Variants in NFKBID observed in about 807,000 individuals in gnomAD.
The protein encoded by NFKBID is NF-kappa-B inhibitor delta.
In NFKBID, 26 loss-of-function variants were observed where a neutral mutation model predicts 53.4. That is an observed-to-expected ratio of 0.49 (90% confidence interval 0.36 to 0.68). The LOEUF (loss-of-function observed/expected upper bound fraction) is 0.68. Ranked by LOEUF, NFKBID falls within the 30% of genes least tolerant of loss-of-function variation. The pLI, the probability that NFKBID is intolerant of heterozygous loss-of-function variation, is 0.00. For synonymous variants in NFKBID, 262 were observed against 259.8 expected, an observed-to-expected ratio of 1.01 and a Z score of -0.08; for missense variants, 493 against 614.1, an observed-to-expected ratio of 0.80 and a Z score of 2.08.
chr19:35,897,357 C>G (rs1323658651), intron 4 of NFKBID: 12 of 543,198 alleles, frequency 2.2e-5, no homozygotes, highest in Non-Finnish European at 3.2e-5. Flanking sequence ...TGGGTTCAAG[C>G]AATTCCCCTG....
chr19:35,896,331 G>A lies in NFKBID; in HGVS notation c.831+61C>T. 1 of 1,613,890 alleles carries A rather than the reference G, an allele frequency of 6.2e-7. No homozygotes were observed. Among genetic ancestry groups the A allele is most frequent in the African/African-American group, 1.3e-5 (1 of 75,058 alleles). ...ATCCCCTGGCCTCCTGGCCCTGGAA[G>A]CCAAAATCTGGGCAACCAGTCTACC... On this transcript the variant is annotated intron_variant, in intron 7 of 11. Transcript: ENST00000641389. The surrounding 1 kb of genome is among the most constrained non-coding windows in gnomAD (Gnocchi z 5.7).
chr19:35,894,202 T>G (rs1419157933), intron 9 of NFKBID, among the ~76,000 whole-genome samples: 2 of 151,946 alleles, frequency 1.3e-5, no homozygotes, highest in African/African-American at 2.4e-5. Context: ...GAGGTTGCAG[T>G]AAGCCGAGAT....
chr19:35,900,827 C>CTTTTTTTTTTTTTTTTTTTTTTTTTTTT (rs60365058), upstream of NFKBID, among the ~76,000 whole-genome samples: 7 of 107,608 alleles, frequency 6.5e-5, no homozygotes, highest in Admixed American at 1.0e-4. Context: ...TTTTTCTTTT[C>CTTTTTTTTTTTTTTTTTTTTTTTTTTTT]TTTTTTTTTT....
At chr19:35,890,329 C>T (rs753382327) in intron 10 of NFKBID, 45 bp downstream of exon 10, 2 of 1,365,678 alleles carry the variant, frequency 1.5e-6, no homozygotes, top group African/African-American at 1.4e-5. Flanking sequence ...ACTGCCCCCC[C>T]TACCGTACCC....
rs878924775 is a variant in NFKBID at position 35,896,059 on chromosome 19, C to A, written c.953G>T (p.Arg318Leu). Residue 318 changes from arginine to leucine, a missense_variant, in exon 9 of 12, where the codon CGG (arginine) becomes CTG (leucine). By Grantham distance (102) the Arg-to-Leu change is moderately radical. Around this residue, in one of 2 missense-constraint regions of NFKBID, gnomAD observed 267 missense variants for 384.6 expected, o/e 0.69. Coordinates refer to ENST00000641389, the Ensembl canonical transcript of NFKBID. The surrounding 1 kb of genome is among the most constrained non-coding windows in gnomAD (Gnocchi z 5.7). ...GTCTCGGGCCTGTGTGCTCAGCACC[C>A]GGGGACAGAGGTCGGAAGGGCGCAT... 2 of 1,614,172 alleles carry A rather than the reference C, an allele frequency of 1.2e-6. No homozygotes were observed. Among genetic ancestry groups the A allele is most frequent in the South Asian group, 2.2e-5 (2 of 91,090 alleles).
chr19:35,897,225 T>C, intron 4 of NFKBID, 167 bp from the exon 5 acceptor site: 2 of 672,784 alleles, frequency 3.0e-6, no homozygotes, highest in South Asian at 4.6e-5. Flanking sequence ...ACCTTGGACC[T>C]TTAGGCCTCA....
At chr19:35,898,220 C>T (rs958174850) in intron 3 of NFKBID, among the ~76,000 whole-genome samples, 2 of 152,082 alleles carry the variant, frequency 1.3e-5, no homozygotes, top group South Asian at 4.1e-4. Flanking sequence ...AAGGTGGCAT[C>T]GCCTGTGGTC....
upstream of NFKBID, chr19:35,902,134 G>A (rs1351012793): frequency 3.0e-5 from 21 of 702,300 alleles, no homozygotes; most frequent in Non-Finnish European, 5.5e-5. Context: ...AGATTGTCAG[G>A]CATTTCCAAC....
chr19:35,893,108 G>A (rs574489562), intron 9 of NFKBID, among the ~76,000 whole-genome samples: 8 of 152,258 alleles, frequency 5.3e-5, no homozygotes, highest in African/African-American at 1.9e-4. Flanking sequence ...AGTCGAGGCT[G>A]CAGTGATTCG....
chr19:35,888,219 A>G (rs541795000), downstream of NFKBID: 39 of 284,946 alleles, frequency 1.4e-4, no homozygotes, highest in Middle Eastern at 1.2e-3. Context: ...GGGGGATTAC[A>G]TCTGGGTTTC....
At position 35,898,199 on chromosome 19, in the gene NFKBID, A is replaced by G. The variant is rs1975315137; in HGVS notation, c.226+273T>C. ...CCCCGTTTCTACAAAAATTTAAAAA[A>G]TTAGCCAAGCAAGGTGGCATCGCCT... On this transcript the variant is annotated intron_variant, in intron 3 of 11. Coordinates refer to ENST00000641389, the Ensembl canonical transcript of NFKBID. Among the ~76,000 whole-genome samples, 3 of 152,284 alleles carry G rather than the reference A, an allele frequency of 2.0e-5. No homozygotes were observed. The South Asian group carries it at 6.2e-4, about 32-fold the overall frequency.
chr19:35,890,595 G>C (rs748304969), intron 9 of NFKBID, 105 bp from the exon 10 acceptor site: 4 of 817,354 alleles, frequency 4.9e-6, no homozygotes, highest in Non-Finnish European at 8.7e-6. Context: ...GGAGTGCGGT[G>C]GTTCACGCCT....
exon 4 of NFKBID, chr19:35,897,750 G>A (rs1367423312): frequency 1.2e-6 from 2 of 1,609,980 alleles, no homozygotes; most frequent in African/African-American, 2.7e-5. Flanking sequence ...GGCAAGAGTA[G>A]GGGCTGTCAG....
chr19:35,895,068 C>G (rs1019293276), intron 9 of NFKBID, among the ~76,000 whole-genome samples: 2 of 151,878 alleles, frequency 1.3e-5, no homozygotes, highest in Non-Finnish European at 1.5e-5. Flanking sequence ...ATAGAGTACA[C>G]ATGTCAAAGG....
upstream of NFKBID, chr19:35,900,686 C>A: frequency 1.7e-6 from 2 of 1,207,496 alleles, no homozygotes; most frequent in Non-Finnish European, 2.1e-6. Context: ...ACTTGGGAGG[C>A]GGACTACTCA....
chr19:35,897,952 G>A (rs966633208), intron 3 of NFKBID, 96 bp from the exon 4 acceptor site: 6 of 804,452 alleles, frequency 7.5e-6, no homozygotes, highest in Non-Finnish European at 1.2e-5. Context: ...AAGGTACTGA[G>A]AGTTAGTACT....
Position 35,899,532 on chromosome 19 carries a change from C to A in NFKBID, c.62-710G>T, listed in dbSNP as rs534716296. Among the ~76,000 whole-genome samples, 5 of 144,006 alleles carry A rather than the reference C, an allele frequency of 3.5e-5. No homozygotes were observed. In the South Asian group the frequency reaches 1.1e-3, roughly 32 times the overall value. 94.5% of individuals were successfully genotyped at this position (144,006 alleles called of 152,430 possible). On this transcript the variant is annotated intron_variant, in intron 1 of 11. Coordinates refer to ENST00000641389, the Ensembl canonical transcript of NFKBID. ...CGGAGATCGCGCTACTGCACTCCAGCCTGGGCGACAGAGAGAGACTCCATT... is the reference window on the plus strand; with the variant it reads ...CGGAGATCGCGCTACTGCACTCCAGACTGGGCGACAGAGAGAGACTCCATT...
chr19:35,894,725 G>A (rs1030530697), intron 9 of NFKBID, among the ~76,000 whole-genome samples: 2 of 152,056 alleles, frequency 1.3e-5, no homozygotes, highest in Non-Finnish European at 2.9e-5. Flanking sequence ...CAGGTGCAGT[G>A]GCTCACGCTT....
rs1975211139 is a variant in NFKBID, at chr19:35,896,906, T to C, written c.578+7A>G. ...AGTCTGCAGACAACCCTATCCCTTATACTCACGTGTCCCCCTCCTCATCCT... is the reference window on the plus strand; with the variant it reads ...AGTCTGCAGACAACCCTATCCCTTACACTCACGTGTCCCCCTCCTCATCCT... On this transcript the variant is annotated splice_region_variant and intron_variant, in intron 5 of 11. Coordinates refer to ENST00000641389, the Ensembl canonical transcript of NFKBID. The surrounding 1 kb of genome is among the most constrained non-coding windows in gnomAD (Gnocchi z 5.7). 1.9e-6 allele frequency: 3 copies of C among 1,610,684 alleles called. No homozygotes were observed. The highest frequency in any genetic ancestry group is 8.5e-7 in the Non-Finnish European group (1 of 1,177,506).
Sources: allele counts gnomAD v4.1 joint callset (sites outside exome capture counted in the v4.1 genomes callset), GRCh38; gene constraint gnomAD v4.1.1; regional missense constraint gnomAD v4.1.1; non-coding constraint Gnocchi (gnomAD v3.1); transcripts MANE v1.5; gene names NCBI Gene and HGNC (gene_info 2026-07-23, HGNC 2026-07-21).